Variants in FLRT2 observed in about 807,000 individuals in gnomAD.
FLRT2 encodes the protein leucine-rich repeat transmembrane protein FLRT2.
A neutral mutation model predicts 40.0 loss-of-function variants in FLRT2; 15 were observed. That is an observed-to-expected ratio of 0.38 (90% CI 0.25 to 0.58). The LOEUF is 0.58. Among genes scored for constraint, FLRT2 ranks in the 20% least tolerant of loss-of-function variants. The pLI is 0.71. For missense variants in FLRT2, 726 were observed against 840.0 expected (o/e 0.86, Z 1.68); for synonymous variants, 380 against 336.8 (o/e 1.13, Z -1.41).
At chr14:85,577,404 A>G (rs1210515048) in intron 1 of FLRT2, among the ~76,000 whole-genome samples, 4 of 152,146 alleles carry the variant, frequency 2.6e-5, no homozygotes, top group African/African-American at 7.2e-5. Flanking sequence ...ACATGCATGA[A>G]GAGGAGAATT....
Position 85,623,014 on chromosome 14 carries a change from C to T in FLRT2, c.1500C>T (p.Asn500=). The T allele has an allele frequency of 6.2e-7, 1 of 1,614,194 alleles. No individual in the cohort carries two copies. The highest frequency in any genetic ancestry group is 8.5e-7 in the Non-Finnish European group (1 of 1,180,038). ...RICLVPLDAF[N]YRAVEDTICS... The stretch of plus-strand genomic sequence containing the variant: ...GTTTAGTGCCACTGGATGCTTTTAA[C>T]TACCGCGCGGTAGAAGACACCATTT... Residue 500 remains asparagine, a synonymous_variant, in exon 2 of 2, where the codon AAC becomes AAT. Coordinates refer to ENST00000330753, the MANE Select transcript of FLRT2 (RefSeq NM_013231.6).
intron 1 of FLRT2, among the ~76,000 whole-genome samples, chr14:85,584,549 A>C (rs79592337): frequency 0.026 from 3,938 of 152,226 alleles, 115 homozygotes; most frequent in East Asian, 0.1. Context: ...GTCTTTCAGG[A>C]CATGACAGTA....
In FLRT2 at chr14:85,644,618, C is replaced by T. The variant is rs895924117; in HGVS notation, c.*21121C>T. The T allele has an allele frequency of 7.2e-5, 11 of 152,198 alleles. No individual in the cohort carries two copies. Among genetic ancestry groups the T allele is most frequent in the African/African-American group, 2.7e-4 (11 of 41,456 alleles). 9.4% of individuals were successfully genotyped at this position (152,198 alleles called of 1,614,324 possible). A position where few individuals can be genotyped will look rare whatever the true frequency, so the allele number is the denominator to read the frequency against. ...AGTTTAGTCCGGCATGTCTGGAAAT[C>T]CTTTCCAAAGAAACTGGGCCTGTTC... On this transcript the variant is annotated 3_prime_UTR_variant, in exon 2 of 2. Transcript: ENST00000330753.
At chr14:85,619,150 C>G (rs1893272552) in intron 1 of FLRT2, among the ~76,000 whole-genome samples, 4 of 150,724 alleles carry the variant, frequency 2.7e-5, no homozygotes, top group Admixed American at 1.3e-4. Context: ...ACTGCAACAG[C>G]ATGATCTTGG....
In FLRT2 at chr14:85,631,434, A is replaced by G. The variant is rs1893871205; in HGVS notation, c.*7937A>G. ...AATGGGGCCCCTGGAAACAGAAAAC[A>G]TATTCTGTAAATTGTTGTACCTCAT... On this transcript the variant is annotated 3_prime_UTR_variant, in exon 2 of 2. Transcript: ENST00000330753. The G allele has an allele frequency of 6.6e-6, 1 of 152,116 alleles. No homozygotes were observed. Among genetic ancestry groups the G allele is most frequent in the Non-Finnish European group, 1.5e-5 (1 of 68,044 alleles). The allele number at this position is 152,116 out of a possible 1,614,324, so 9.4% of individuals were successfully genotyped here.
intron 1 of FLRT2, among the ~76,000 whole-genome samples, chr14:85,538,835 G>A (rs903422331): frequency 5.3e-5 from 8 of 152,212 alleles, no homozygotes; most frequent in African/African-American, 1.4e-4. Context: ...TCCTGAAATA[G>A]GTTCACATGC....
chr14:85,654,411 A>G lies in FLRT2; in HGVS notation c.*30914A>G, dbSNP rs772640210. On this transcript the variant is annotated 3_prime_UTR_variant, in exon 2 of 2. Coordinates refer to ENST00000330753, the MANE Select transcript of FLRT2 (RefSeq NM_013231.6). ...GTGCATACTCTTAATAAAAAATGGT[A>G]TAATACATTTAAGCAGATTTGCATC... 1 of 152,240 alleles carries G rather than the reference A, an allele frequency of 6.6e-6. No individual in the cohort carries two copies. Among genetic ancestry groups the G allele is most frequent in the African/African-American group, 2.4e-5 (1 of 41,466 alleles). The allele number at this position is 152,240 out of a possible 1,614,324, so 9.4% of individuals were successfully genotyped here.
At position 85,621,847 on chromosome 14, in the gene FLRT2, C is replaced by T; in HGVS notation, c.333C>T (p.Val111=). Residue 111 remains valine, a synonymous_variant, in exon 2 of 2, where the codon GTC becomes GTT. Coordinates refer to ENST00000330753, the MANE Select transcript of FLRT2 (RefSeq NM_013231.6). The stretch of plus-strand genomic sequence containing the variant: ...TCCCCATGAACCTTCCCAAGAATGT[C>T]AGAGTTCTCCATTTGCAGGAAAACA... ...DEFPMNLPKN[V]RVLHLQENNI... is the part of the protein sequence containing the mutation. 6.2e-7 allele frequency: 1 copy of T among 1,614,036 alleles called. No homozygotes were observed. The highest frequency in any genetic ancestry group is 1.1e-5 in the South Asian group (1 of 91,038).
rs567936492 is a variant in FLRT2, at chr14:85,585,218, C to T, written c.-376-35921C>T. ...CAACACTCAATAAGCCTTTTCCTTTCGTGGCCATCCATCTTCAGGTTTGAC... is the reference window on the plus strand; with the variant it reads ...CAACACTCAATAAGCCTTTTCCTTTTGTGGCCATCCATCTTCAGGTTTGAC... On this transcript the variant is annotated intron_variant, in intron 1 of 1. Transcript: ENST00000330753. Among the ~76,000 whole-genome samples, 7 of 152,268 alleles carry T rather than the reference C, an allele frequency of 4.6e-5. 1 individual carries two copies. In the East Asian group the frequency reaches 9.7e-4, roughly 21 times the overall value.
intron 1 of FLRT2, among the ~76,000 whole-genome samples, chr14:85,559,798 C>G (rs1890194728): frequency 6.6e-6 from 1 of 152,122 alleles, no homozygotes; most frequent in African/African-American, 2.4e-5. Context: ...CCCATTACCT[C>G]CGTGAGGTTA....
At chr14:85,568,707 C>G (rs1890747953) in intron 1 of FLRT2, among the ~76,000 whole-genome samples, 1 of 152,190 alleles carries the variant, frequency 6.6e-6, no homozygotes, top group Non-Finnish European at 1.5e-5. Flanking sequence ...GAGGCCACTT[C>G]ACTATGGAGC....
chr14:85,563,404 G>A (rs1182470558), intron 1 of FLRT2, among the ~76,000 whole-genome samples: 1 of 152,136 alleles, frequency 6.6e-6, no homozygotes, highest in Non-Finnish European at 1.5e-5. Flanking sequence ...CCTGAAACTG[G>A]GTAATTTATG....
chr14:85,576,885 T>C (rs1273066160), intron 1 of FLRT2, among the ~76,000 whole-genome samples: 4 of 152,180 alleles, frequency 2.6e-5, no homozygotes, highest in Non-Finnish European at 5.9e-5. Context: ...CCCCAAATCT[T>C]TGACATGAAA....
intron 1 of FLRT2, among the ~76,000 whole-genome samples, chr14:85,602,138 G>A (rs986867149): frequency 6.6e-6 from 1 of 152,130 alleles, no homozygotes; most frequent in Admixed American, 6.5e-5. Flanking sequence ...AAATGCATTT[G>A]CACATATGTA....
chr14:85,592,803 AAAAAG>A (rs1218864689), intron 1 of FLRT2, among the ~76,000 whole-genome samples: 8 of 99,818 alleles, frequency 8.0e-5, no homozygotes, highest in East Asian at 5.1e-4. Context: ...AAAAAAAAAA[AAAAAG>A]AAAAAAAAGA....
At chr14:85,586,962 T>C (rs1595057150) in intron 1 of FLRT2, among the ~76,000 whole-genome samples, 1 of 152,308 alleles carries the variant, frequency 6.6e-6, no homozygotes, top group East Asian at 1.9e-4. Flanking sequence ...GGAGCTGGTT[T>C]TCCTTTATAG....
intron 1 of FLRT2, among the ~76,000 whole-genome samples, chr14:85,535,922 G>GTT (rs869030677): frequency 1.6e-5 from 1 of 61,586 alleles, no homozygotes; most frequent in Non-Finnish European, 2.6e-5. Flanking sequence ...TTTTTTTTTT[G>GTT]TTGTTGTTGT....
At chr14:85,577,755 G>A (rs1891183721) in intron 1 of FLRT2, among the ~76,000 whole-genome samples, 1 of 151,770 alleles carries the variant, frequency 6.6e-6, no homozygotes, top group South Asian at 2.1e-4. Context: ...CCTGGCTAAG[G>A]TTTTTTGTAG....
In FLRT2 at chr14:85,643,292, TTTCTTTC is replaced by T. The variant is rs1170576149; in HGVS notation, c.*19798_*19804del. ...GAGAGTTCAGAGGGTATTTCTTTTTTTTCTTTCTTTCTTTCTTTCTTTCTTTCTTTCT... is the reference window on the plus strand; with the variant it reads ...GAGAGTTCAGAGGGTATTTCTTTTTTTTTCTTTCTTTCTTTCTTTCTTTCT... On this transcript the variant is annotated 3_prime_UTR_variant, in exon 2 of 2. Transcript: ENST00000330753. The T allele has an allele frequency of 1.1e-5, 1 of 88,004 alleles. No individual in the cohort carries two copies. Among genetic ancestry groups the T allele is most frequent in the African/African-American group, 6.1e-5 (1 of 16,466 alleles). The allele number at this position is 88,004 out of a possible 1,614,324, so 5.5% of individuals were successfully genotyped here. A position where few individuals can be genotyped will look rare whatever the true frequency, so the allele number is the denominator to read the frequency against.
Sources: allele counts gnomAD v4.1 joint callset (sites outside exome capture counted in the v4.1 genomes callset), GRCh38; gene constraint gnomAD v4.1.1; transcripts MANE v1.5; gene names NCBI Gene and HGNC (gene_info 2026-07-23, HGNC 2026-07-21).